The following USF3 variants were observed in gnomAD, a reference collection of about 807,000 sequenced individuals.
USF3 encodes the protein basic helix-loop-helix domain-containing protein USF3.
Under a neutral mutation model 157.5 loss-of-function variants are expected in USF3, and 29 were observed. The ratio of observed to expected loss-of-function variants is 0.18; its 90% CI spans 0.14 to 0.25. The LOEUF (loss-of-function observed/expected upper bound fraction) is 0.25. Ranked by LOEUF, USF3 falls within the 10% of genes least tolerant of loss-of-function variation. The probability of loss-of-function intolerance (pLI) is 1.00; values close to 1 mark genes in which losing one functional copy is unlikely to be tolerated. For missense variants in USF3, 2,381 were observed against 2,667.6 expected, an observed-to-expected ratio of 0.89 and a Z score of 2.37; for synonymous variants, 893 against 941.4, an observed-to-expected ratio of 0.95 and a Z score of 0.94.
chr3:113,657,551 C>G lies in USF3; in HGVS notation c.4131G>C (p.Gln1377His). ...ISDQTQMMVS[Q>H]IPPNSSNSVV... Reference sequence around the variant, plus strand: ...CTGAGTTTGAAGAATTAGGAGGGATCTGACTGACCATCATTTGAGTTTGGT... The same window carrying G: ...CTGAGTTTGAAGAATTAGGAGGGATGTGACTGACCATCATTTGAGTTTGGT... Residue 1377 changes from glutamine to histidine, a missense_variant, in exon 7 of 7, where the codon CAG (glutamine) becomes CAC (histidine). Gln to His is a conservative substitution (Grantham distance 24). Transcript: ENST00000316407. 1 of 1,614,182 alleles carries G rather than the reference C, an allele frequency of 6.2e-7. No homozygotes were observed. The highest frequency in any genetic ancestry group is 8.5e-7 in the Non-Finnish European group (1 of 1,180,040).
At chr3:113,688,213 G>A (rs1470724965) in intron 1 of USF3, among the ~76,000 whole-genome samples, 1 of 151,998 alleles carries the variant, frequency 6.6e-6, no homozygotes, top group Non-Finnish European at 1.5e-5. Flanking sequence ...CCACCTCCCG[G>A]GTTAAAGTGA....
Position 113,677,906 on chromosome 3 carries a change from C to A in USF3, c.-134-509G>T, listed in dbSNP as rs1027450772. Reference sequence around the variant, plus strand: ...TTTAAAAATGTAAATTTGGGGGCTTCATTCCAAACATGACAAATGAGAGGT... The same window carrying A: ...TTTAAAAATGTAAATTTGGGGGCTTAATTCCAAACATGACAAATGAGAGGT... On this transcript the variant is annotated intron_variant, in intron 1 of 6. Transcript: ENST00000316407. Among the ~76,000 whole-genome samples the A allele has an allele frequency of 2.0e-5, 3 of 152,204 alleles. No individual in the cohort carries two copies. The East Asian group carries it at 5.8e-4, about 29-fold the overall frequency.
rs1266464109 is a variant in USF3 at position 113,652,108 on chromosome 3, A to AGAGAGAGTGTGT, written c.*2835_*2836insACACACTCTCTC. On this transcript the variant is annotated 3_prime_UTR_variant, in exon 7 of 7. Coordinates refer to ENST00000316407, the MANE Select transcript of USF3 (RefSeq NM_001009899.4). Reference sequence around the variant, plus strand: ...TGGAGAGAGAGAGAGAGAGAGAGAGAGTGTGTGTGTGTGTGTGTGTGTGTG... The same window carrying AGAGAGAGTGTGT: ...TGGAGAGAGAGAGAGAGAGAGAGAGAGAGAGAGTGTGTGTGTGTGTGTGTGTGTGTGTGTGTG... 1.4e-5 allele frequency: 2 copies of AGAGAGAGTGTGT among 141,978 alleles called. No individual in the cohort carries two copies. Among genetic ancestry groups the AGAGAGAGTGTGT allele is most frequent in the African/African-American group, 5.2e-5 (2 of 38,276 alleles). 8.8% of individuals were successfully genotyped at this position (141,978 alleles called of 1,614,324 possible).
intron 2 of USF3, among the ~76,000 whole-genome samples, chr3:113,676,581 G>A (rs1054723096): frequency 6.6e-6 from 1 of 152,156 alleles, no homozygotes; most frequent in Non-Finnish European, 1.5e-5. Context: ...TGACACATGG[G>A]ATTATGGGAA....
Position 113,659,947 on chromosome 3 carries a change from G to A in USF3, c.1735C>T (p.Gln579Ter). 1 of 1,614,182 alleles carries A rather than the reference G, an allele frequency of 6.2e-7. No individual in the cohort carries two copies. Among genetic ancestry groups the A allele is most frequent in the East Asian group, 2.2e-5 (1 of 44,894 alleles). Residue 579 changes from glutamine (Q) to a stop codon, truncating the protein, a stop_gained, in exon 7 of 7, where the codon CAG (glutamine) becomes TAG (stop). Transcript: ENST00000316407. LOFTEE classifies it high-confidence loss of function. The stretch of plus-strand genomic sequence containing the variant: ...TTAGCAGCCTGTATGATTACTATCT[G>A]TTGACCTACTGTTTGGTTGGAAACT... ...AEVSNQTVGQ[Q>*]IVIIQAANQN... is the part of the protein sequence containing the mutation.
chr3:113,673,450 A>T (rs929789744), intron 3 of USF3, 74 bp from the exon 4 acceptor site: 1 of 848,894 alleles, frequency 1.2e-6, no homozygotes. Flanking sequence ...ATACTTTAAG[A>T]ATCACAAAAA....
intron 5 of USF3, 131 bp downstream of exon 5, chr3:113,669,990 G>A: frequency 3.2e-6 from 2 of 618,084 alleles, no homozygotes; most frequent in East Asian, 2.7e-5. Flanking sequence ...ATTAAAACAA[G>A]GCAATTATTA....
chr3:113,673,263 TA>T (rs1707203034), intron 4 of USF3, 84 bp downstream of exon 4: 1 of 883,754 alleles, frequency 1.1e-6, no homozygotes, highest in Non-Finnish European at 1.9e-6. Context: ...TCCTTGCTTA[TA>T]ACATAAAAAC....
rs534866297 is a variant in USF3 at position 113,654,590 on chromosome 3, A to C, written c.*354T>G. On this transcript the variant is annotated 3_prime_UTR_variant, in exon 7 of 7. Transcript: ENST00000316407. ...CAGTAGCAACTTACCTACATATTCC[A>C]TAAGTTATCAACAATCAAGTTTAAA... The C allele has an allele frequency of 4.9e-6, 1 of 204,802 alleles. No homozygotes were observed. Among genetic ancestry groups the C allele is most frequent in the South Asian group, 1.3e-4 (1 of 7,754 alleles). The allele number at this position is 204,802 out of a possible 1,614,324, so 12.7% of individuals were successfully genotyped here.
At chr3:113,691,354 A>G (rs1707678271) in intron 1 of USF3, among the ~76,000 whole-genome samples, 3 of 151,960 alleles carry the variant, frequency 2.0e-5, no homozygotes. Flanking sequence ...CTCACTTCTT[A>G]TTCACTCTTC....
intron 3 of USF3, 134 bp from the exon 4 acceptor site, chr3:113,673,510 A>G: frequency 1.6e-6 from 1 of 608,442 alleles, no homozygotes; most frequent in Non-Finnish European, 2.9e-6. Context: ...CAATCTGAAG[A>G]AACATTTCCT....
chr3:113,661,839 C>A (rs1947491596), intron 6 of USF3, among the ~76,000 whole-genome samples: 1 of 152,100 alleles, frequency 6.6e-6, no homozygotes, highest in African/African-American at 2.4e-5. Flanking sequence ...AACAGGCAGT[C>A]TCTTTATTTT....
At position 113,664,414 on chromosome 3, in the gene USF3, C is replaced by A. The variant is rs764850967; in HGVS notation, c.160-5G>T. On this transcript the variant is annotated splice_region_variant and splice_polypyrimidine_tract_variant and intron_variant, in intron 5 of 6. Transcript: ENST00000316407. The stretch of plus-strand genomic sequence containing the variant: ...GTCCAGGATCATATTCTTGCTCTGT[C>A]CAAGAAAATTTTAAAAGTTTACAAG... 1.3e-6 allele frequency: 2 copies of A among 1,552,104 alleles called. No individual in the cohort carries two copies. The highest frequency in any genetic ancestry group is 1.9e-5 in the Admixed American group (1 of 51,420).
intron 1 of USF3, among the ~76,000 whole-genome samples, chr3:113,695,822 T>C (rs982469721): frequency 1.3e-5 from 2 of 152,202 alleles, no homozygotes; most frequent in Non-Finnish European, 2.9e-5. Flanking sequence ...GGTCATTCAC[T>C]TGCACTGCTT....
intron 1 of USF3, among the ~76,000 whole-genome samples, chr3:113,680,236 T>C (rs1176468820): frequency 1.3e-5 from 2 of 151,996 alleles, no homozygotes; most frequent in Non-Finnish European, 2.9e-5. Context: ...CCTGGGCTTT[T>C]CTTTGCTGGG....
chr3:113,692,084 G>A (rs918970802), intron 1 of USF3, among the ~76,000 whole-genome samples: 9 of 152,142 alleles, frequency 5.9e-5, no homozygotes, highest in African/African-American at 2.2e-4. Flanking sequence ...TTGCATGTGT[G>A]GTTCAGAATA....
chr3:113,674,920 C>T (rs749578163), intron 2 of USF3, 24 bp from the exon 3 acceptor site: 3 of 1,457,222 alleles, frequency 2.1e-6, no homozygotes, highest in Admixed American at 1.7e-5. Flanking sequence ...GAAAGACACA[C>T]CAGAAAGCTT....
chr3:113,664,307 C>A lies in USF3; in HGVS notation c.256+6G>T, dbSNP rs763024016. On this transcript the variant is annotated splice_donor_region_variant and intron_variant, in intron 6 of 6. Transcript: ENST00000316407. ...CAACAAAAAGTAAGAACTTTTAAAT[C>A]TTTACCTTGTTCATTGTTTCCTCCA... The A allele has an allele frequency of 2.6e-5, 40 of 1,540,464 alleles. No homozygotes were observed. The highest frequency in any genetic ancestry group is 3.6e-5 in the Non-Finnish European group (40 of 1,124,056).
In USF3 at chr3:113,659,505, C is replaced by T; in HGVS notation, c.2177G>A (p.Cys726Tyr). 1.2e-6 allele frequency: 2 copies of T among 1,614,238 alleles called. No homozygotes were observed. The highest frequency in any genetic ancestry group is 1.7e-6 in the Non-Finnish European group (2 of 1,180,024). Residue 726 changes from cysteine (C) to tyrosine (Y), a missense_variant, in exon 7 of 7, where the codon TGT becomes TAT. By Grantham distance (194) the Cys-to-Tyr change is radical. Coordinates refer to ENST00000316407, the MANE Select transcript of USF3 (RefSeq NM_001009899.4). ...QSISQMAGQS[C>Y]VQLSISQPAN... is the part of the protein sequence containing the mutation. Reference sequence around the variant, plus strand: ...AGGCTGGCTAATAGACAATTGTACACAGCTTTGCCCAGCCATCTGTGATAT... The same window carrying T: ...AGGCTGGCTAATAGACAATTGTACATAGCTTTGCCCAGCCATCTGTGATAT...
Sources: allele counts gnomAD v4.1 joint callset (sites outside exome capture counted in the v4.1 genomes callset), GRCh38; gene constraint gnomAD v4.1.1; transcripts MANE v1.5; gene names NCBI Gene and HGNC (gene_info 2026-07-23, HGNC 2026-07-21).